Variants in FBXO33 observed in about 807,000 individuals in gnomAD.
The protein encoded by FBXO33 is F-box protein 33, also known as F-box only protein 33.
A neutral mutation model predicts 46.3 loss-of-function variants in FBXO33; 22 were observed. The ratio of observed to expected loss-of-function variants is 0.48; its 90% confidence interval spans 0.34 to 0.68. The LOEUF (loss-of-function observed/expected upper bound fraction) is 0.68. Ranked by LOEUF, FBXO33 falls within the 30% of genes least tolerant of loss-of-function variation. The probability of loss-of-function intolerance (pLI) is 0.01; values close to 1 mark genes in which losing one functional copy is unlikely to be tolerated. For missense variants in FBXO33, 692 were observed against 708.8 expected (o/e 0.98, Z 0.27); for synonymous variants, 337 against 291.3 (o/e 1.16, Z -1.60).
chr14:39,406,725 G>C (rs747586260), intron 1 of FBXO33, among the ~76,000 whole-genome samples: 25 of 152,166 alleles, frequency 1.6e-4, no homozygotes, highest in Non-Finnish European at 1.0e-4. Context: ...TTTTGGCTGA[G>C]TAATGATTTG....
intron 1 of FBXO33, among the ~76,000 whole-genome samples, chr14:39,431,341 G>C (rs1311780306): frequency 6.6e-6 from 1 of 152,158 alleles, no homozygotes; most frequent in Non-Finnish European, 1.5e-5. Flanking sequence ...CAGAAGTGGT[G>C]TCTGTTAAAC....
intron 3 of FBXO33, among the ~76,000 whole-genome samples, chr14:39,400,710 C>A (rs189820808): frequency 6.6e-6 from 1 of 152,188 alleles, no homozygotes; most frequent in East Asian, 1.9e-4. Context: ...GAGAACAGGT[C>A]ACATTAAAAT....
chr14:39,404,877 G>A (rs149187050), intron 1 of FBXO33, among the ~76,000 whole-genome samples: 3 of 151,898 alleles, frequency 2.0e-5, no homozygotes, highest in Admixed American at 6.5e-5. Context: ...GGCTGGGCGC[G>A]GTGGCTCACA....
chr14:39,406,603 G>T (rs539202711), intron 1 of FBXO33, among the ~76,000 whole-genome samples: 2 of 152,320 alleles, frequency 1.3e-5, no homozygotes, highest in South Asian at 4.1e-4. Flanking sequence ...CCTGAATCGA[G>T]GAGACAAGAG....
At position 39,406,840 on chromosome 14, in the gene FBXO33, A is replaced by G. The variant is rs748281105; in HGVS notation, c.600-4329T>C. ...CGGCTCACAACTAGGAGAAAAATCC[A>G]TCAACAGAAATATACTCAGAAATGG... On this transcript the variant is annotated intron_variant, in intron 1 of 3. Coordinates refer to ENST00000298097, the MANE Select transcript of FBXO33 (RefSeq NM_203301.4). Among the ~76,000 whole-genome samples the G allele has an allele frequency of 2.6e-5, 4 of 152,218 alleles. No individual in the cohort carries two copies. In the East Asian group the frequency reaches 7.7e-4, roughly 29 times the overall value.
intron 1 of FBXO33, among the ~76,000 whole-genome samples, chr14:39,408,679 T>G (rs996824112): frequency 2.0e-5 from 3 of 151,388 alleles, no homozygotes; most frequent in African/African-American, 7.3e-5. Context: ...TGCCTATTTT[T>G]TTTTTTTTTC....
chr14:39,416,014 T>A (rs531239051), intron 1 of FBXO33, among the ~76,000 whole-genome samples: 65 of 152,226 alleles, frequency 4.3e-4, no homozygotes, highest in Non-Finnish European at 8.5e-4. Context: ...AGTGATTTAT[T>A]AACCAGTAGT....
intron 1 of FBXO33, among the ~76,000 whole-genome samples, chr14:39,404,865 T>G (rs192935533): frequency 6.6e-6 from 1 of 151,636 alleles, no homozygotes; most frequent in Non-Finnish European, 1.5e-5. Flanking sequence ...AAGAAAAGAA[T>G]AGGCTGGGCG....
chr14:39,417,313 T>C (rs953295166), intron 1 of FBXO33, among the ~76,000 whole-genome samples: 17 of 152,242 alleles, frequency 1.1e-4, no homozygotes, highest in Non-Finnish European at 8.8e-5. Flanking sequence ...GGAGGCCAGA[T>C]GGCCAAGTGC....
rs1429846931 is a variant in FBXO33 at position 39,402,434 on chromosome 14, C to T, written c.677G>A (p.Ser226Asn). 6.3e-7 allele frequency: 1 copy of T among 1,579,868 alleles called. No homozygotes were observed. The highest frequency in any genetic ancestry group is 2.3e-5 in the East Asian group (1 of 43,036). The change falls in exon 2 of 4, where the codon AGC (serine) becomes AAC (asparagine). Residue 226 changes from serine to asparagine, a missense_variant. By Grantham distance (46) the Ser-to-Asn change is conservative. Transcript: ENST00000298097. ...QQGSLSNTYL[S>N]KVDPDGKKIK... ...TTTTTTGCCATCAGGGTCCACCTTG[C>T]TGAGGTATGTATTTGACAAACTTCC...
rs969059074 is a variant in FBXO33, at chr14:39,425,796, T to C, written c.599+5768A>G. 1.3e-4 allele frequency among the ~76,000 whole-genome samples: 20 copies of C among 152,348 alleles called. No individual in the cohort carries two copies. The South Asian group carries it at 1.4e-3, about 11-fold the overall frequency. ...AGCAGTCACTAGCCATATGTGACTA[T>C]TGAGCGCTCGAAATGTGGCTAGTGG... is the stretch of plus-strand genomic sequence containing the variant. On this transcript the variant is annotated intron_variant, in intron 1 of 3. Coordinates refer to ENST00000298097, the MANE Select transcript of FBXO33 (RefSeq NM_203301.4).
chr14:39,420,240 G>T (rs948133034), intron 1 of FBXO33, among the ~76,000 whole-genome samples: 1 of 152,166 alleles, frequency 6.6e-6, no homozygotes, highest in South Asian at 2.1e-4. Flanking sequence ...AAATAAACTT[G>T]GTTTTAAAAA....
At chr14:39,401,916 T>C in intron 2 of FBXO33, 55 bp from the exon 3 acceptor site, 1 of 1,383,232 alleles carries the variant, frequency 7.2e-7, no homozygotes, top group Non-Finnish European at 9.9e-7. Flanking sequence ...TCTAATCTTT[T>C]AACACTGACT....
At chr14:39,402,347 G>A in intron 2 of FBXO33, 54 bp downstream of exon 2, 1 of 1,012,094 alleles carries the variant, frequency 9.9e-7, no homozygotes, top group Non-Finnish European at 1.4e-6. Flanking sequence ...TAATTTCTTA[G>A]GAAAAACATA....
At chr14:39,430,979 G>C (rs1435682493) in intron 1 of FBXO33, among the ~76,000 whole-genome samples, 3 of 152,104 alleles carry the variant, frequency 2.0e-5, no homozygotes, top group African/African-American at 7.2e-5. Context: ...TGTATGGGGA[G>C]GGACTTTCAA....
chr14:39,400,815 G>A (rs962561313), intron 3 of FBXO33, among the ~76,000 whole-genome samples: 5 of 152,158 alleles, frequency 3.3e-5, no homozygotes, highest in Non-Finnish European at 7.4e-5. Flanking sequence ...GAGCATGAAA[G>A]AAATCATACA....
At chr14:39,428,118 T>C in intron 1 of FBXO33, among the ~76,000 whole-genome samples, 1 of 152,224 alleles carries the variant, frequency 6.6e-6, no homozygotes, top group Non-Finnish European at 1.5e-5. Flanking sequence ...TCAATCTACA[T>C]ACAAGCAGTT....
At chr14:39,409,786 T>C (rs1193585461) in intron 1 of FBXO33, among the ~76,000 whole-genome samples, 1 of 152,224 alleles carries the variant, frequency 6.6e-6, no homozygotes, top group African/African-American at 2.4e-5. Flanking sequence ...CCTCTTTGGC[T>C]AAGTTTATTC....
intron 1 of FBXO33, among the ~76,000 whole-genome samples, chr14:39,428,352 T>G (rs1268071435): frequency 6.6e-6 from 1 of 152,038 alleles, no homozygotes; most frequent in African/African-American, 2.4e-5. Flanking sequence ...ATTACAGGCA[T>G]GCACTGCCAC....
Sources: allele counts gnomAD v4.1 joint callset (sites outside exome capture counted in the v4.1 genomes callset), GRCh38; gene constraint gnomAD v4.1.1; transcripts MANE v1.5; gene names NCBI Gene and HGNC (gene_info 2026-07-23, HGNC 2026-07-21).